DNAH11: variants seen among roughly 807,000 people sequenced by gnomAD.
The protein encoded by DNAH11 is dynein axonemal heavy chain 11, also known as axonemal beta dynein heavy chain 11.
In DNAH11, 442 loss-of-function variants were observed where a neutral mutation model predicts 526.0. The ratio of observed to expected loss-of-function variants is 0.84; its 90% CI spans 0.78 to 0.91. The LOEUF is 0.91. Among genes scored for constraint, DNAH11 ranks in the 40% least tolerant of loss-of-function variants. The pLI is 0.00. For synonymous variants in DNAH11, 2,461 were observed against 1,935.9 expected (o/e 1.27, Z -7.12); for missense variants, 6,989 against 5,448.7 (o/e 1.28, Z -8.90).
intron 35 of DNAH11, among the ~76,000 whole-genome samples, chr7:21,691,465 G>A (rs148200263): frequency 0.013 from 2,048 of 151,938 alleles, 27 homozygotes; most frequent in Non-Finnish European, 0.023. Context: ...CAAATCTGAC[G>A]GGCAAAGCCA....
At chr7:21,770,386 A>G (rs1387950267) in intron 55 of DNAH11, among the ~76,000 whole-genome samples, 2 of 152,224 alleles carry the variant, frequency 1.3e-5, no homozygotes, top group African/African-American at 4.8e-5. Flanking sequence ...ACTGTGACCC[A>G]TTACATGAGG....
intron 25 of DNAH11, among the ~76,000 whole-genome samples, chr7:21,631,847 C>T (rs1786627265): frequency 6.6e-6 from 1 of 152,186 alleles, no homozygotes; most frequent in Non-Finnish European, 1.5e-5. Context: ...GACAGTGGCC[C>T]TCTTCTCATG....
At chr7:21,552,431 C>G (rs938290853) in intron 2 of DNAH11, among the ~76,000 whole-genome samples, 2 of 152,144 alleles carry the variant, frequency 1.3e-5, no homozygotes, top group African/African-American at 2.4e-5. Flanking sequence ...CGGGTTTATT[C>G]TTCGCTTCCC....
intron 42 of DNAH11, among the ~76,000 whole-genome samples, chr7:21,714,067 GA>G (rs751330283): frequency 2.6e-5 from 4 of 152,162 alleles, no homozygotes; most frequent in East Asian, 1.9e-4. Context: ...TTTCAGCAGT[GA>G]ATCTCACAGC....
rs148800414 is a variant in DNAH11 at position 21,779,023 on chromosome 7, C to G, written c.9402C>G (p.Ala3134=). 818 of 1,613,322 alleles carry G rather than the reference C, an allele frequency of 5.1e-4. 8 individuals carry two copies. In the East Asian group the frequency reaches 0.017, roughly 34 times the overall value. ...AGCTGCAACTGAGAAATCATGATGC[C>G]GAAGCTCTGATCACAAAGATCGGCC... ...EAELQLRNHD[A]EALITKIGLQ... is the part of the protein sequence containing the mutation. Residue 3134 remains alanine (A), a synonymous_variant, in exon 57 of 82, where the codon GCC becomes GCG. Coordinates refer to ENST00000409508, the MANE Select transcript of DNAH11 (RefSeq NM_001277115.2).
chr7:21,707,529 C>G (rs761938389), intron 39 of DNAH11, among the ~76,000 whole-genome samples, 170 bp from the exon 40 acceptor site: 35 of 152,212 alleles, frequency 2.3e-4, no homozygotes, highest in Non-Finnish European at 4.6e-4. Context: ...TGAAGCTTTT[C>G]AAGATGGTAA....
chr7:21,655,900 T>C lies in DNAH11; in HGVS notation c.5013T>C (p.Val1671=). ...TGCAGTTTGAAGACAATCAGGATGTTTCTGCACACAGGGCAGTTGGAATGT... is the reference window on the plus strand; with the variant it reads ...TGCAGTTTGAAGACAATCAGGATGTCTCTGCACACAGGGCAGTTGGAATGT... ...ADLQFEDNQD[V]SAHRAVGMYS... Residue 1671 remains valine, a synonymous_variant, in exon 29 of 82, where the codon GTT becomes GTC. Coordinates refer to ENST00000409508, the MANE Select transcript of DNAH11 (RefSeq NM_001277115.2). The C allele has an allele frequency of 6.2e-7, 1 of 1,613,394 alleles. No homozygotes were observed. Among genetic ancestry groups the C allele is most frequent in the Non-Finnish European group, 8.5e-7 (1 of 1,179,574 alleles).
Position 21,584,872 on chromosome 7 carries a change from AT to A in DNAH11, c.1710+2858del, listed in dbSNP as rs567625184. 4.7e-3 allele frequency among the ~76,000 whole-genome samples: 721 copies of A among 151,910 alleles called. 5 individuals carry two copies. The highest frequency in any genetic ancestry group is 0.016 in the African/African-American group (654 of 41,266). ...GCCTTTATAACAGAATTCAAGTATT[AT>A]TTTTTTACATGTGTGATAGTCTATC... On this transcript the variant is annotated intron_variant, in intron 9 of 81. Coordinates refer to ENST00000409508, the MANE Select transcript of DNAH11 (RefSeq NM_001277115.2).
Position 21,873,474 on chromosome 7 carries a change from G to A in DNAH11, c.12168G>A (p.Leu4056=). 3.7e-6 allele frequency: 6 copies of A among 1,613,930 alleles called. No individual in the cohort carries two copies. Among genetic ancestry groups the A allele is most frequent in the Non-Finnish European group, 4.2e-6 (5 of 1,179,858 alleles). ...NEPPTGMLAN[L]HAALYNFDQD... is the part of the protein sequence containing the mutation. ...CCCCAACAGGGATGCTGGCCAATTT[G>A]CATGCCGCCCTGTACAACTTTGATC... is the stretch of plus-strand genomic sequence containing the variant. The change falls in exon 74 of 82, where the codon TTG becomes TTA. Residue 4056 remains leucine (L), a synonymous_variant. Coordinates refer to ENST00000409508, the MANE Select transcript of DNAH11 (RefSeq NM_001277115.2).
At chr7:21,846,231 T>G (rs1051320293) in intron 66 of DNAH11, among the ~76,000 whole-genome samples, 4 of 152,178 alleles carry the variant, frequency 2.6e-5, no homozygotes, top group African/African-American at 9.7e-5. Flanking sequence ...TTTCCTTTTC[T>G]TGTCTTAAGG....
At chr7:21,664,628 T>A (rs1161267665) in intron 30 of DNAH11, among the ~76,000 whole-genome samples, 1 of 152,018 alleles carries the variant, frequency 6.6e-6, no homozygotes, top group East Asian at 1.9e-4. Flanking sequence ...CTGACTAATT[T>A]TTGTTTTTTT....
chr7:21,579,780 A>G (rs537152037), intron 8 of DNAH11, among the ~76,000 whole-genome samples: 3 of 152,360 alleles, frequency 2.0e-5, no homozygotes, highest in East Asian at 1.9e-4. Context: ...TAAGATTTCT[A>G]TTTTAAAAAA....
chr7:21,564,427 A>G, intron 6 of DNAH11, 30 bp downstream of exon 6: 4 of 1,538,986 alleles, frequency 2.6e-6, no homozygotes, highest in Non-Finnish European at 3.6e-6. Flanking sequence ...AGGAACAATA[A>G]GAATTGTTGC....
At chr7:21,886,082 C>T (rs1336318576) in intron 76 of DNAH11, among the ~76,000 whole-genome samples, 1 of 152,106 alleles carries the variant, frequency 6.6e-6, no homozygotes, top group Non-Finnish European at 1.5e-5. Context: ...TGTCTATTTC[C>T]AGTTGGGCGA....
At chr7:21,708,252 G>C (rs1784344009) in intron 40 of DNAH11, among the ~76,000 whole-genome samples, 1 of 152,168 alleles carries the variant, frequency 6.6e-6, no homozygotes, top group Non-Finnish European at 1.5e-5. Flanking sequence ...AGATCCCTTT[G>C]TGACAATCTG....
intron 29 of DNAH11, among the ~76,000 whole-genome samples, chr7:21,657,237 T>G (rs1025642169): frequency 1.3e-5 from 2 of 152,202 alleles, no homozygotes; most frequent in African/African-American, 4.8e-5. Context: ...TAGTGTATTC[T>G]TCAGCAAGTG....
intron 38 of DNAH11, among the ~76,000 whole-genome samples, chr7:21,705,025 T>C (rs914420759): frequency 3.9e-5 from 6 of 152,220 alleles, no homozygotes; most frequent in African/African-American, 1.4e-4. Flanking sequence ...TAAGTAGATA[T>C]TATCTGACAT....
intron 66 of DNAH11, among the ~76,000 whole-genome samples, chr7:21,850,254 G>A (rs1477238242): frequency 6.6e-6 from 1 of 150,888 alleles, no homozygotes; most frequent in Non-Finnish European, 1.5e-5. Context: ...TACTCGGGAG[G>A]CTGAGGCAGG....
At chr7:21,572,207 C>T (rs930632589) in intron 8 of DNAH11, among the ~76,000 whole-genome samples, 5 of 152,180 alleles carry the variant, frequency 3.3e-5, no homozygotes, top group African/African-American at 1.2e-4. Flanking sequence ...AGACCTCAGT[C>T]TGGATTTGTA....
Sources: allele counts gnomAD v4.1 joint callset (sites outside exome capture counted in the v4.1 genomes callset), GRCh38; gene constraint gnomAD v4.1.1; transcripts MANE v1.5; gene names NCBI Gene and HGNC (gene_info 2026-07-23, HGNC 2026-07-21).